Variants in VAV3 observed in about 807,000 individuals in gnomAD.
VAV3 encodes the protein guanine nucleotide exchange factor VAV3.
In VAV3, 94 loss-of-function variants were observed where a neutral mutation model predicts 131.2. The observed-to-expected ratio is 0.72, with a 90% CI of 0.61 to 0.85. VAV3 has a LOEUF of 0.85. Ranked by LOEUF, VAV3 falls within the 40% of genes least tolerant of loss-of-function variation. The pLI is 0.00. For missense variants in VAV3, 939 were observed against 1,002.7 expected (o/e 0.94, Z 0.86); for synonymous variants, 349 against 342.0 (o/e 1.02, Z -0.22).
chr1:107,860,098 G>A (rs1436415420), intron 2 of VAV3, among the ~76,000 whole-genome samples: 3 of 152,092 alleles, frequency 2.0e-5, no homozygotes, highest in Admixed American at 6.6e-5. Flanking sequence ...ATAATAGATA[G>A]TAGATGAATC....
chr1:107,753,561 C>CACACT (rs534112081), intron 12 of VAV3, among the ~76,000 whole-genome samples: 2,133 of 81,254 alleles, frequency 0.026, 47 homozygotes, highest in Non-Finnish European at 0.039. Context: ...CACACACACA[C>CACACT]TTTTTTTTTT....
intron 15 of VAV3, among the ~76,000 whole-genome samples, chr1:107,709,971 A>G (rs1249650419): frequency 6.6e-6 from 1 of 152,262 alleles, no homozygotes; most frequent in Non-Finnish European, 1.5e-5. Flanking sequence ...GTACTCATAC[A>G]TATATTTCAG....
At chr1:107,737,548 A>G (rs1249605658) in intron 15 of VAV3, among the ~76,000 whole-genome samples, 1 of 152,246 alleles carries the variant, frequency 6.6e-6, no homozygotes, top group Non-Finnish European at 1.5e-5. Flanking sequence ...GGCAAAGGAT[A>G]TGAACAGACA....
intron 2 of VAV3, among the ~76,000 whole-genome samples, chr1:107,804,330 C>A (rs1666961726): frequency 6.6e-6 from 1 of 152,060 alleles, no homozygotes; most frequent in Non-Finnish European, 1.5e-5. Context: ...TTTTTACTGT[C>A]TTCCTTTGTG....
intron 2 of VAV3, among the ~76,000 whole-genome samples, chr1:107,797,225 T>C (rs1192143821): frequency 6.6e-6 from 1 of 152,172 alleles, no homozygotes; most frequent in African/African-American, 2.4e-5. Context: ...TAACATACAG[T>C]CAGTATAATT....
chr1:107,764,742 C>T (rs1266782984), intron 9 of VAV3, among the ~76,000 whole-genome samples: 1 of 152,160 alleles, frequency 6.6e-6, no homozygotes, highest in African/African-American at 2.4e-5. Flanking sequence ...CTCACTCGTC[C>T]TGCACTTCTT....
intron 2 of VAV3, among the ~76,000 whole-genome samples, chr1:107,840,879 T>C (rs1432466659): frequency 2.0e-5 from 3 of 151,326 alleles, no homozygotes; most frequent in Admixed American, 1.3e-4. Flanking sequence ...TGGAAGGAAG[T>C]GAAAACTCTG....
intron 2 of VAV3, among the ~76,000 whole-genome samples, chr1:107,813,780 T>A (rs898025479): frequency 5.3e-5 from 8 of 152,118 alleles, no homozygotes; most frequent in African/African-American, 1.9e-4. Context: ...ATTTCCAGCA[T>A]CTGGTAACTA....
chr1:107,917,879 A>C (rs944326615), intron 1 of VAV3, among the ~76,000 whole-genome samples: 4 of 152,168 alleles, frequency 2.6e-5, no homozygotes, highest in Non-Finnish European at 2.9e-5. Flanking sequence ...ATTGGTACTC[A>C]AGAAGTTTCA....
chr1:107,897,052 C>T (rs1671616546), intron 1 of VAV3, among the ~76,000 whole-genome samples: 1 of 151,928 alleles, frequency 6.6e-6, no homozygotes, highest in Non-Finnish European at 1.5e-5. Context: ...TTAAACAGTA[C>T]CCAGATGGCA....
At chr1:107,768,306 A>G (rs1664846942) in intron 7 of VAV3, 135 bp downstream of exon 7, 1 of 626,772 alleles carries the variant, frequency 1.6e-6, no homozygotes. Flanking sequence ...AAACTGGAAA[A>G]GCAAAAAATA....
At chr1:107,602,326 A>T in intron 24 of VAV3, 71 bp downstream of exon 24, 1 of 1,123,870 alleles carries the variant, frequency 8.9e-7, no homozygotes, top group Non-Finnish European at 1.2e-6. Flanking sequence ...AAGAAACTAT[A>T]GAATTAAAAT....
intron 2 of VAV3, among the ~76,000 whole-genome samples, chr1:107,823,269 C>G (rs567068922): frequency 1.1e-4 from 16 of 152,236 alleles, no homozygotes; most frequent in African/African-American, 3.6e-4. Context: ...GATAATGATT[C>G]TTCCATTTTC....
At chr1:107,805,343 T>C (rs996804778) in intron 2 of VAV3, among the ~76,000 whole-genome samples, 5 of 152,180 alleles carry the variant, frequency 3.3e-5, no homozygotes, top group Non-Finnish European at 7.3e-5. Context: ...TGACCTGTCA[T>C]TCCTTTCCAT....
chr1:107,728,714 T>A (rs768014275), intron 15 of VAV3, among the ~76,000 whole-genome samples: 3 of 152,016 alleles, frequency 2.0e-5, no homozygotes, highest in Non-Finnish European at 2.9e-5. Context: ...ACACTACTTA[T>A]AAACTTGCAT....
intron 1 of VAV3, among the ~76,000 whole-genome samples, chr1:107,885,254 TTA>T (rs1305338817): frequency 3.2e-5 from 2 of 62,818 alleles, no homozygotes; most frequent in Admixed American, 3.0e-4. Flanking sequence ...TCTGTCGCTT[TTA>T]TTTTTTATTT....
chr1:107,700,346 T>C (rs1660027295), intron 17 of VAV3, among the ~76,000 whole-genome samples: 1 of 152,200 alleles, frequency 6.6e-6, no homozygotes, highest in African/African-American at 2.4e-5. Flanking sequence ...GATGTGCAGG[T>C]TTGTTACATA....
intron 1 of VAV3, among the ~76,000 whole-genome samples, chr1:107,941,260 T>C (rs1673980590): frequency 6.6e-6 from 1 of 152,200 alleles, no homozygotes; most frequent in African/African-American, 2.4e-5. Flanking sequence ...CCCATGTTTC[T>C]AGTACTAAAG....
At chr1:107,933,797 CA>C (rs1673577088) in intron 1 of VAV3, among the ~76,000 whole-genome samples, 2 of 48,798 alleles carry the variant, frequency 4.1e-5, no homozygotes, top group African/African-American at 1.4e-4. Context: ...GCCAGGGCAA[CA>C]AAATGAGACC....
Sources: gnomAD v4.1 joint callset for allele counts (sites outside exome capture counted in the v4.1 genomes callset) on GRCh38, gnomAD v4.1.1 for gene constraint, MANE v1.5 for transcripts, NCBI Gene and HGNC (gene_info 2026-07-23, HGNC 2026-07-21) for gene names.